The following SPEG variants were observed in gnomAD, a reference collection of about 807,000 sequenced individuals.
The protein encoded by SPEG is striated muscle enriched protein kinase.
A neutral mutation model predicts 300.4 loss-of-function variants in SPEG; 114 were observed. The ratio of observed to expected loss-of-function variants is 0.38; its 90% confidence interval spans 0.33 to 0.44. The LOEUF is 0.44. Ranked by LOEUF, SPEG falls within the 20% of genes least tolerant of loss-of-function variation. The probability of loss-of-function intolerance (pLI) is 1.00; values close to 1 mark genes in which losing one functional copy is unlikely to be tolerated. For missense variants in SPEG, 4,201 were observed against 4,586.2 expected (o/e 0.92, Z 2.43); for synonymous variants, 1,964 against 2,018.9 (o/e 0.97, Z 0.73).
chr2:219,448,973 G>T lies in SPEG; in HGVS notation c.1815G>T (p.Gln605His). The change falls in exon 4 of 41, where the codon CAG becomes CAT. Residue 605 changes from glutamine (Q) to histidine (H), a missense_variant. By Grantham distance (24) the Gln-to-His change is conservative (BLOSUM62 0). Transcript: ENST00000312358. ...QFPLTRSRAI[Q>H]ECRSPVPPPA... Reference sequence around the variant, plus strand: ...CGCTGACCCGGAGCAGAGCCATCCAGGAGTGCAGGAGCCCTGTGCCGCCCC... The same window carrying T: ...CGCTGACCCGGAGCAGAGCCATCCATGAGTGCAGGAGCCCTGTGCCGCCCC... The T allele has an allele frequency of 6.6e-7, 1 of 1,509,886 alleles. No individual in the cohort carries two copies. The highest frequency in any genetic ancestry group is 8.8e-7 in the Non-Finnish European group (1 of 1,132,566). 93.5% of individuals were successfully genotyped at this position (1,509,886 alleles called of 1,614,324 possible). A position where few individuals can be genotyped will look rare whatever the true frequency, so the allele number is the denominator to read the frequency against.
rs571386632 is a variant in SPEG, at chr2:219,490,424, T to C, written c.8937T>C (p.Val2979=). 2.7e-5 allele frequency: 43 copies of C among 1,611,648 alleles called. No homozygotes were observed. The Admixed American group carries it at 6.2e-4, about 23-fold the overall frequency. ...CGACACACAGGGGCCGCTTTGGTGT[T>C]GTGCGAGCGTGCCGGGAGAATGCCA... ...LEEKARGRFG[V]VRACRENATG... The change falls in exon 37 of 41, where the codon GTT becomes GTC. Residue 2979 remains valine (V), a synonymous_variant. Coordinates refer to ENST00000312358, the MANE Select transcript of SPEG (RefSeq NM_005876.5).
At chr2:219,456,148 G>A (rs1429693888) in intron 6 of SPEG, among the ~76,000 whole-genome samples, 2 of 152,340 alleles carry the variant, frequency 1.3e-5, no homozygotes, top group Non-Finnish European at 2.9e-5. Flanking sequence ...ATAGCTCATC[G>A]AAGCCCATTC....
rs1691623330 is a variant in SPEG at position 219,468,930 on chromosome 2, C to G, written c.3373C>G (p.His1125Asp). Reference protein sequence around the residue: ...DGGLHSLHIAHVGSEDEGLYA... With the variant: ...DGGLHSLHIADVGSEDEGLYA... The stretch of plus-strand genomic sequence containing the variant: ...GGGTCTGCACTCACTGCACATTGCC[C>G]ATGTGGGCAGCGAGGACGAGGGGCT... The change falls in exon 12 of 41, where the codon CAT (histidine) becomes GAT (aspartate). Residue 1125 changes from histidine to aspartate, a missense_variant. Physicochemically the swap from His to Asp is moderately conservative, Grantham distance 81. Transcript: ENST00000312358. 1.2e-6 allele frequency: 2 copies of G among 1,613,954 alleles called. No individual in the cohort carries two copies. The highest frequency in any genetic ancestry group is 2.7e-5 in the African/African-American group (2 of 75,054).
In SPEG at chr2:219,468,985, G is replaced by A; in HGVS notation, c.3428G>A (p.Gly1143Asp). The A allele has an allele frequency of 6.2e-7, 1 of 1,613,926 alleles. No homozygotes were observed. The highest frequency in any genetic ancestry group is 8.5e-7 in the Non-Finnish European group (1 of 1,179,988). Residue 1143 changes from glycine (G) to aspartate (D), a missense_variant, in exon 12 of 41, where the codon GGC becomes GAC. By Grantham distance (94) the Gly-to-Asp change is moderately conservative. This residue lies in a region of SPEG where 1,047 missense variants were observed against 1,356.8 expected (regional missense o/e 0.77). Coordinates refer to ENST00000312358, the MANE Select transcript of SPEG (RefSeq NM_005876.5). ...LYAVSAVNTH[G>D]QAHCSAQLYV... is the part of the protein sequence containing the mutation. The stretch of plus-strand genomic sequence containing the variant: ...GCGGTCAGTGCTGTTAACACCCATG[G>A]CCAGGCCCACTGCTCAGCCCAGCTG...
chr2:219,470,978 G>A (rs1691824705), intron 13 of SPEG, among the ~76,000 whole-genome samples: 1 of 152,208 alleles, frequency 6.6e-6, no homozygotes, highest in Non-Finnish European at 1.5e-5. Flanking sequence ...GGTCTGGTGG[G>A]ACAAGCAGAT....
intron 13 of SPEG, 56 bp downstream of exon 13, chr2:219,469,435 A>T: frequency 7.3e-7 from 1 of 1,378,220 alleles, no homozygotes; most frequent in Non-Finnish European, 1.0e-6. Context: ...CTTGGCTTGC[A>T]ATGCCCTGCC....
chr2:219,474,432 C>T (rs971901995), intron 18 of SPEG: 1 of 152,486 alleles, frequency 6.6e-6, no homozygotes, highest in Non-Finnish European at 1.4e-5. Context: ...AGTCTCAGTA[C>T]TAAGCACTTT....
intron 28 of SPEG, among the ~76,000 whole-genome samples, chr2:219,482,570 G>C (rs935803221): frequency 4.6e-5 from 7 of 152,144 alleles, no homozygotes; most frequent in African/African-American, 1.4e-4. Flanking sequence ...CTCTCCCCTG[G>C]GGGGTTCAGG....
Position 219,484,043 on chromosome 2 carries a change from C to T in SPEG, c.6580C>T (p.Pro2194Ser). ...PKPSTPKSAE[P>S]SATTPSDAPQ... ...ACCCAGTACCCCTAAGTCTGCAGAA[C>T]CTTCTGCCACCACACCTAGTGATGC... Residue 2194 changes from proline (P) to serine (S), a missense_variant, in exon 30 of 41, where the codon CCT (proline) becomes TCT (serine). By Grantham distance (74) the Pro-to-Ser change is moderately conservative. This residue lies in a region of SPEG where 1,578 missense variants were observed against 1,506.0 expected (regional missense o/e 1.05). Transcript: ENST00000312358. 1 of 1,613,646 alleles carries T rather than the reference C, an allele frequency of 6.2e-7. No homozygotes were observed. Among genetic ancestry groups the T allele is most frequent in the Non-Finnish European group, 8.5e-7 (1 of 1,179,862 alleles).
At chr2:219,455,543 A>C (rs546757705) in intron 6 of SPEG, among the ~76,000 whole-genome samples, 2 of 152,164 alleles carry the variant, frequency 1.3e-5, no homozygotes, top group East Asian at 3.9e-4. Context: ...CAGCTCTAGG[A>C]GCTTAGGGCC....
Position 219,477,621 on chromosome 2 carries a change from C to A in SPEG, c.4730-68C>A. 7.0e-7 allele frequency: 1 copy of A among 1,427,120 alleles called. No homozygotes were observed. The highest frequency in any genetic ancestry group is 9.6e-7 in the Non-Finnish European group (1 of 1,044,902). The allele number at this position is 1,427,120 out of a possible 1,614,324, so 88.4% of individuals were successfully genotyped here. A position where few individuals can be genotyped will look rare whatever the true frequency, so the allele number is the denominator to read the frequency against. Reference sequence around the variant, plus strand: ...CTCTTCTCTCTTCTTCTTCTGTCCACCTGTCCCAGTCTCTGGCCTGCTTGC... The same window carrying A: ...CTCTTCTCTCTTCTTCTTCTGTCCAACTGTCCCAGTCTCTGGCCTGCTTGC... On this transcript the variant is annotated intron_variant, in intron 20 of 40. Coordinates refer to ENST00000312358, the MANE Select transcript of SPEG (RefSeq NM_005876.5). This position sits in a 1 kb window ranked among gnomAD's most constrained non-coding sequence, Gnocchi z 6.4.
chr2:219,485,693 C>A (rs1250230560), intron 31 of SPEG, among the ~76,000 whole-genome samples: 1 of 152,230 alleles, frequency 6.6e-6, no homozygotes, highest in Non-Finnish European at 1.5e-5. Flanking sequence ...TTCAATCCTG[C>A]AGCACTGTTT....
In SPEG at chr2:219,484,358, G is replaced by T. The variant is rs191716389; in HGVS notation, c.6895G>T (p.Gly2299Cys). Reference protein sequence around the residue: ...APEKRVPSAGGPPVLAEKARV... With the variant: ...APEKRVPSAGCPPVLAEKARV... ...CGAGAAGCGCGTGCCCTCAGCCGGGGGTCCCCCGGTGCTAGCCGAGAAAGC... is the reference window on the plus strand; with the variant it reads ...CGAGAAGCGCGTGCCCTCAGCCGGGTGTCCCCCGGTGCTAGCCGAGAAAGC... The change falls in exon 30 of 41, where the codon GGT becomes TGT. Residue 2299 changes from glycine to cysteine, a missense_variant. Gly to Cys is a radical substitution (Grantham distance 159). Transcript: ENST00000312358. 4.5e-5 allele frequency: 72 copies of T among 1,606,298 alleles called. No homozygotes were observed. The African/African-American group carries it at 8.0e-4, about 18-fold the overall frequency.
At position 219,481,288 on chromosome 2, in the gene SPEG, C is replaced by T. The variant is rs749897298; in HGVS notation, c.5370-16C>T. 10 of 1,613,160 alleles carry T rather than the reference C, an allele frequency of 6.2e-6. No individual in the cohort carries two copies. The South Asian group carries it at 6.6e-5, about 11-fold the overall frequency. On this transcript the variant is annotated splice_polypyrimidine_tract_variant and intron_variant, in intron 26 of 40. Transcript: ENST00000312358. The surrounding 1 kb of genome is among the most constrained non-coding windows in gnomAD (Gnocchi z 5.4). ...TCCCCGCCTGCCCCTCATGACAGCCCTCTTCACCCCTGCAGTCTGACAGGA... is the reference window on the plus strand; with the variant it reads ...TCCCCGCCTGCCCCTCATGACAGCCTTCTTCACCCCTGCAGTCTGACAGGA...
chr2:219,471,713 C>T, intron 13 of SPEG, 155 bp from the exon 14 acceptor site: 1 of 897,292 alleles, frequency 1.1e-6, no homozygotes, highest in Non-Finnish European at 1.7e-6. Context: ...CATGGATGCA[C>T]TTCTTGCTGC....
intron 9 of SPEG, chr2:219,465,164 C>A (rs759294817): frequency 3.3e-4 from 50 of 153,212 alleles, no homozygotes; most frequent in Non-Finnish European, 6.0e-4. Context: ...AGGCCTGGGC[C>A]CCCAGAGCCT....
chr2:219,445,417 T>G lies in SPEG; in HGVS notation c.815+256T>G. The G allele has an allele frequency of 1.9e-6, 1 of 527,794 alleles. No homozygotes were observed. The highest frequency in any genetic ancestry group is 2.4e-5 in the South Asian group (1 of 41,682). 32.7% of individuals were successfully genotyped at this position (527,794 alleles called of 1,614,324 possible). ...TGGTCTCCTGGACCCTGCTGTCCCT[T>G]CCTTGTCTCCTCCAAGATCTCCAGT... is the stretch of plus-strand genomic sequence containing the variant. On this transcript the variant is annotated intron_variant, in intron 3 of 40. Transcript: ENST00000312358. This position sits in a 1 kb window ranked among gnomAD's most constrained non-coding sequence, Gnocchi z 6.1.
intron 29 of SPEG, 40 bp from the exon 30 acceptor site, chr2:219,483,058 C>T (rs1037390519): frequency 5.7e-6 from 9 of 1,573,974 alleles, no homozygotes; most frequent in Middle Eastern, 1.7e-4. Context: ...AATCCTGCCC[C>T]AGGGGTCCCT....
At chr2:219,487,617 T>A (rs1390538438) in intron 31 of SPEG, among the ~76,000 whole-genome samples, 1 of 152,222 alleles carries the variant, frequency 6.6e-6, no homozygotes, top group African/African-American at 2.4e-5. Context: ...CCTACGACCC[T>A]GTCCCCCGAT....
Sources: gnomAD v4.1 joint callset for allele counts (sites outside exome capture counted in the v4.1 genomes callset) on GRCh38, gnomAD v4.1.1 for gene constraint, gnomAD v4.1.1 regional missense constraint, Gnocchi (gnomAD v3.1) non-coding constraint, MANE v1.5 for transcripts, NCBI Gene and HGNC (gene_info 2026-07-23, HGNC 2026-07-21) for gene names.